The following MYO6 variants were observed in gnomAD, a reference collection of about 807,000 sequenced individuals.
The protein encoded by MYO6 is myosin VI.
Under a neutral mutation model 178.7 loss-of-function variants are expected in MYO6, and 74 were observed. That is an observed-to-expected ratio of 0.41 (90% confidence interval 0.34 to 0.50). The LOEUF (loss-of-function observed/expected upper bound fraction) is 0.50, where lower values mean the gene tolerates loss of function less well. Ranked by LOEUF, MYO6 falls within the 20% of genes least tolerant of loss-of-function variation. MYO6 has a pLI of 0.09. For synonymous variants in MYO6, 477 were observed against 504.6 expected, an observed-to-expected ratio of 0.95 and a Z score of 0.73; for missense variants, 1,330 against 1,547.4, an observed-to-expected ratio of 0.86 and a Z score of 2.36.
chr6:75,851,188 A>G lies in MYO6; in HGVS notation c.1078+2657A>G, dbSNP rs371171849. Among the ~76,000 whole-genome samples, 107 of 152,326 alleles carry G rather than the reference A, an allele frequency of 7.0e-4. 2 individuals carry two copies. Among genetic ancestry groups the G allele is most frequent in the East Asian group, 4.8e-3 (25 of 5,190 alleles). Reference sequence around the variant, plus strand: ...AGAAGATGCAGTTGTATAGAGTATTATAAGTGTTGCATGATCAAGTTATTT... The same window carrying G: ...AGAAGATGCAGTTGTATAGAGTATTGTAAGTGTTGCATGATCAAGTTATTT... On this transcript the variant is annotated intron_variant, in intron 11 of 34. Coordinates refer to ENST00000369977, the MANE Select transcript of MYO6 (RefSeq NM_004999.4).
chr6:75,893,718 T>G (rs1399827966), intron 28 of MYO6, among the ~76,000 whole-genome samples: 1 of 152,200 alleles, frequency 6.6e-6, no homozygotes, highest in Non-Finnish European at 1.5e-5. Context: ...ATTGGGGAGC[T>G]CTGGGACTGC....
chr6:75,890,619 A>G (rs1013638957), intron 26 of MYO6, among the ~76,000 whole-genome samples: 3 of 152,212 alleles, frequency 2.0e-5, no homozygotes, highest in South Asian at 2.1e-4. Flanking sequence ...CGCTTGGATT[A>G]CAGGCGTGAG....
chr6:75,827,226 G>A (rs1772568504), intron 3 of MYO6, among the ~76,000 whole-genome samples: 1 of 151,988 alleles, frequency 6.6e-6, no homozygotes. Context: ...AAAGATAGTA[G>A]TTGTAGTGGT....
intron 30 of MYO6, among the ~76,000 whole-genome samples, chr6:75,900,620 ATT>A: frequency 6.6e-6 from 1 of 152,056 alleles, no homozygotes; most frequent in East Asian, 1.9e-4. Flanking sequence ...TTCATTGTAG[ATT>A]CTGGATATTA....
Position 75,890,063 on chromosome 6 carries a change from A to T in MYO6, c.2665A>T (p.Met889Leu). ...DTLMAKIKSTMMTQEQIQKEY... is the reference protein window; with the variant it reads ...DTLMAKIKSTLMTQEQIQKEY... Reference sequence around the variant, plus strand: ...TTTATTTTATTTTTTAAAGTCCACTATGATGACGCAGGAACAAATCCAGAA... The same window carrying T: ...TTTATTTTATTTTTTAAAGTCCACTTTGATGACGCAGGAACAAATCCAGAA... The change falls in exon 26 of 35, where the codon ATG (methionine) becomes TTG (leucine). Residue 889 changes from methionine to leucine, a missense_variant. Met to Leu is a conservative substitution (Grantham distance 15). Around this residue, in one of 3 missense-constraint regions of MYO6, gnomAD observed 601 missense variants for 626.1 expected, o/e 0.96. Coordinates refer to ENST00000369977, the MANE Select transcript of MYO6 (RefSeq NM_004999.4). 1 of 1,611,540 alleles carries T rather than the reference A, an allele frequency of 6.2e-7. No individual in the cohort carries two copies. Among genetic ancestry groups the T allele is most frequent in the Non-Finnish European group, 8.5e-7 (1 of 1,177,826 alleles).
chr6:75,873,473 G>A (rs1026574519), intron 20 of MYO6, among the ~76,000 whole-genome samples, 173 bp downstream of exon 20: 2 of 152,140 alleles, frequency 1.3e-5, no homozygotes, highest in African/African-American at 2.4e-5. Flanking sequence ...ATGTGGTGGT[G>A]TACACCTGTA....
chr6:75,832,546 C>T (rs1013878948), intron 5 of MYO6, among the ~76,000 whole-genome samples: 2 of 151,956 alleles, frequency 1.3e-5, no homozygotes, highest in African/African-American at 2.4e-5. Flanking sequence ...CAGATCAGCT[C>T]TGGAATTAGG....
At chr6:75,757,822 T>C (rs1384445934) in intron 1 of MYO6, among the ~76,000 whole-genome samples, 2 of 152,036 alleles carry the variant, frequency 1.3e-5, no homozygotes, top group Admixed American at 6.6e-5. Context: ...TAATAATACA[T>C]GTAAAACACA....
intron 1 of MYO6, among the ~76,000 whole-genome samples, chr6:75,813,266 T>C (rs1328539515): frequency 2.0e-5 from 3 of 152,168 alleles, no homozygotes; most frequent in Non-Finnish European, 4.4e-5. Context: ...TCCCACTCTT[T>C]TCTCCTCTTT....
At chr6:75,836,061 A>G (rs1036637499) in intron 7 of MYO6, 105 bp downstream of exon 7, 2 of 786,074 alleles carry the variant, frequency 2.5e-6, no homozygotes, top group Non-Finnish European at 4.6e-6. Flanking sequence ...AGACTCTCTT[A>G]TCTCCTACTA....
At chr6:75,868,949 T>G (rs3798435) in intron 18 of MYO6, among the ~76,000 whole-genome samples, 34,493 of 152,030 alleles carry the variant, frequency 0.23, 5,145 homozygotes, top group Middle Eastern at 0.38. Context: ...ATGAGTTGCC[T>G]GAGGCTTTTT....
At chr6:75,898,302 T>G in intron 29 of MYO6, 71 bp from the exon 30 acceptor site, 2 of 993,546 alleles carry the variant, frequency 2.0e-6, no homozygotes, top group Non-Finnish European at 3.1e-6. Flanking sequence ...TAATTATACT[T>G]TTAGATCTTT....
At chr6:75,866,908 A>G (rs1776751637) in intron 17 of MYO6, 24 bp from the exon 18 acceptor site, 1 of 1,611,374 alleles carries the variant, frequency 6.2e-7, no homozygotes, top group Non-Finnish European at 8.5e-7. Context: ...GGACAGAAAC[A>G]TTCCTGTTTG....
intron 5 of MYO6, among the ~76,000 whole-genome samples, chr6:75,832,014 C>CT (rs1773150262): frequency 6.6e-6 from 1 of 152,098 alleles, no homozygotes; most frequent in Non-Finnish European, 1.5e-5. Context: ...TGGCACATGT[C>CT]TGAGGTGAGA....
At chr6:75,844,381 A>G (rs1407284084) in intron 9 of MYO6, among the ~76,000 whole-genome samples, 1 of 152,202 alleles carries the variant, frequency 6.6e-6, no homozygotes, top group Non-Finnish European at 1.5e-5. Flanking sequence ...ATTTATGTAC[A>G]GTCATTGTTA....
At chr6:75,797,489 G>C (rs1420088548) in intron 1 of MYO6, among the ~76,000 whole-genome samples, 2 of 152,112 alleles carry the variant, frequency 1.3e-5, no homozygotes, top group African/African-American at 4.8e-5. Context: ...ACCCAGTCAT[G>C]TAATTGCTGG....
intron 7 of MYO6, among the ~76,000 whole-genome samples, chr6:75,837,953 G>T (rs1773814294): frequency 6.6e-6 from 1 of 152,028 alleles, no homozygotes; most frequent in African/African-American, 2.4e-5. Context: ...TTAATAATTG[G>T]ATATACACCC....
In MYO6 at chr6:75,907,840, C is replaced by T. The variant is rs1251339258; in HGVS notation, c.3280+132C>T. On this transcript the variant is annotated intron_variant, in intron 31 of 34. Transcript: ENST00000369977. ...TGTATGTGTGTATGTACATATAATA[C>T]CTATATTATCTGAATCTTTTGGTCC... 1.5e-5 allele frequency: 10 copies of T among 665,054 alleles called. 1 individual carries two copies. The East Asian group carries it at 2.4e-4, about 16-fold the overall frequency. The allele number at this position is 665,054 out of a possible 1,614,324, so 41.2% of individuals were successfully genotyped here.
intron 18 of MYO6, 99 bp from the exon 19 acceptor site, chr6:75,870,548 G>C: frequency 1.1e-6 from 1 of 907,778 alleles, no homozygotes; most frequent in Non-Finnish European, 1.8e-6. Context: ...GGATGTTATT[G>C]CATGTTATTT....
Sources: allele counts gnomAD v4.1 joint callset (sites outside exome capture counted in the v4.1 genomes callset), GRCh38; gene constraint gnomAD v4.1.1; regional missense constraint gnomAD v4.1.1; transcripts MANE v1.5; gene names NCBI Gene and HGNC (gene_info 2026-07-23, HGNC 2026-07-21).